DYM: variants seen among roughly 807,000 people sequenced by gnomAD.
DYM encodes dymeclin.
A neutral mutation model predicts 93.1 loss-of-function variants in DYM; 78 were observed. That is an observed-to-expected ratio of 0.84 (90% CI 0.70 to 1.01). DYM has a LOEUF of 1.01. Among genes scored for constraint, DYM ranks in the 50% least tolerant of loss-of-function variants. The probability of loss-of-function intolerance (pLI) is 0.00; values close to 1 mark genes in which losing one functional copy is unlikely to be tolerated. For synonymous variants in DYM, 321 were observed against 319.7 expected (o/e 1.00, Z -0.04); for missense variants, 789 against 845.0 (o/e 0.93, Z 0.82).
rs1440521087 is a variant in DYM, at chr18:49,286,428, A to G, written c.946+6T>C. 2.5e-5 allele frequency: 41 copies of G among 1,613,986 alleles called. No individual in the cohort carries two copies. The highest frequency in any genetic ancestry group is 3.3e-5 in the Non-Finnish European group (39 of 1,179,940). On this transcript the variant is annotated splice_donor_region_variant and intron_variant, in intron 9 of 17. Transcript: ENST00000675505. The stretch of plus-strand genomic sequence containing the variant: ...CAAAGAATATTAGAGAAAAAATACC[A>G]CAAACCTTGTGTGTTCTTGAAGGAC...
intron 5 of DYM, among the ~76,000 whole-genome samples, chr18:49,364,889 T>C (rs1282850348): frequency 6.6e-6 from 1 of 152,178 alleles, no homozygotes; most frequent in African/African-American, 2.4e-5. Context: ...ATATCCTCCA[T>C]GAAACCCACT....
intron 8 of DYM, among the ~76,000 whole-genome samples, chr18:49,311,252 G>A (rs1429882382): frequency 6.6e-6 from 1 of 152,162 alleles, no homozygotes; most frequent in East Asian, 1.9e-4. Flanking sequence ...TGCCAGTTAC[G>A]ATGGTCACTG....
rs2065453712 is a variant in DYM at position 49,355,307 on chromosome 18, TATC to T, written c.494+7851_494+7853del. ...GATATGCATTGATATCTATCATAGA[TATC>T]ATAGATAGACATCAATGTATAGACA... On this transcript the variant is annotated intron_variant, in intron 6 of 17. Coordinates refer to ENST00000675505, the MANE Select transcript of DYM (RefSeq NM_001353214.3). Among the ~76,000 whole-genome samples, 5 of 152,084 alleles carry T rather than the reference TATC, an allele frequency of 3.3e-5. No homozygotes were observed. In the South Asian group the frequency reaches 1.0e-3, roughly 32 times the overall value.
At chr18:49,385,664 C>T (rs2068537597) in intron 3 of DYM, among the ~76,000 whole-genome samples, 1 of 151,632 alleles carries the variant, frequency 6.6e-6, no homozygotes, top group Non-Finnish European at 1.5e-5. Flanking sequence ...CATTGCACTC[C>T]AGCCTGGGCA....
intron 1 of DYM, among the ~76,000 whole-genome samples, chr18:49,447,647 C>T (rs543484790): frequency 1.4e-4 from 22 of 152,296 alleles, no homozygotes; most frequent in Non-Finnish European, 2.8e-4. Flanking sequence ...TATCCAAAGG[C>T]TTCTGGACCC....
chr18:49,106,900 C>A (rs571651682), intron 16 of DYM, among the ~76,000 whole-genome samples: 15 of 152,232 alleles, frequency 9.9e-5, no homozygotes, highest in African/African-American at 3.6e-4. Flanking sequence ...TTGCTCTTCT[C>A]GAGGAGTATC....
rs190460656 is a variant in DYM at position 49,194,756 on chromosome 18, T to A, written c.1625+14795A>T. ...TCATAAGTAACACAAAAAAATATTT[T>A]AAAAATATTTCCAGTTATAGTACAA... On this transcript the variant is annotated intron_variant, in intron 14 of 17. Coordinates refer to ENST00000675505, the MANE Select transcript of DYM (RefSeq NM_001353214.3). Among the ~76,000 whole-genome samples the A allele has an allele frequency of 6.3e-3, 963 of 152,292 alleles. 3 individuals are homozygous for A. The highest frequency in any genetic ancestry group is 0.01 in the Middle Eastern group (3 of 294).
At chr18:49,193,658 G>A (rs2091186248) in intron 14 of DYM, among the ~76,000 whole-genome samples, 1 of 152,156 alleles carries the variant, frequency 6.6e-6, no homozygotes, top group Non-Finnish European at 1.5e-5. Context: ...CACATGTGTG[G>A]TGAGATACAT....
chr18:49,179,846 A>C lies in DYM; in HGVS notation c.1626-16059T>G, dbSNP rs1385513232. Among the ~76,000 whole-genome samples the C allele has an allele frequency of 2.0e-5, 3 of 152,102 alleles. No homozygotes were observed. In the East Asian group the frequency reaches 5.8e-4, roughly 29 times the overall value. On this transcript the variant is annotated intron_variant, in intron 14 of 17. Coordinates refer to ENST00000675505, the MANE Select transcript of DYM (RefSeq NM_001353214.3). The stretch of plus-strand genomic sequence containing the variant: ...AAAATAATCTCTTACTACCAGCACC[A>C]TCATTTCCACTTAAGGCAAAAAAAG...
Position 49,286,576 on chromosome 18 carries a change from G to A in DYM, c.804C>T (p.Ser268=), listed in dbSNP as rs61749950. The A allele has an allele frequency of 9.3e-6, 15 of 1,613,938 alleles. No individual in the cohort carries two copies. The highest frequency in any genetic ancestry group is 1.6e-4 in the Middle Eastern group (1 of 6,068). ...WTVFTLGGVG[S]KAAASPELSS... is the part of the protein sequence containing the mutation. ...AAAGCTCTGGAGAGGCAGCCGCTTT[G>A]CTGCCCACACCACCTAGTGTGAAGA... The change falls in exon 9 of 18, where the codon AGC becomes AGT. Residue 268 remains serine (S), a synonymous_variant. Coordinates refer to ENST00000675505, the MANE Select transcript of DYM (RefSeq NM_001353214.3).
chr18:49,266,425 G>A (rs1313840771), intron 11 of DYM, among the ~76,000 whole-genome samples: 3 of 152,140 alleles, frequency 2.0e-5, no homozygotes, highest in Non-Finnish European at 2.9e-5. Flanking sequence ...AGACCAGCCT[G>A]GGCAACATGG....
At chr18:49,083,205 G>A (rs1489966834) in intron 17 of DYM, among the ~76,000 whole-genome samples, 1 of 152,184 alleles carries the variant, frequency 6.6e-6, no homozygotes, top group Non-Finnish European at 1.5e-5. Context: ...ACAAACATAG[G>A]TGGCAGGCAG....
intron 13 of DYM, among the ~76,000 whole-genome samples, chr18:49,212,194 A>G (rs1433322336): frequency 6.6e-6 from 1 of 152,236 alleles, no homozygotes; most frequent in Non-Finnish European, 1.5e-5. Context: ...CAGATTAAAA[A>G]AGATGAAAGA....
chr18:49,260,813 T>C (rs1180330849), intron 11 of DYM, among the ~76,000 whole-genome samples: 1 of 151,054 alleles, frequency 6.6e-6, no homozygotes, highest in African/African-American at 2.4e-5. Context: ...ATAAGCATGA[T>C]GCAAAATAAA....
At chr18:49,332,095 AC>A in intron 7 of DYM, 89 bp from the exon 8 acceptor site, 9 of 1,328,156 alleles carry the variant, frequency 6.8e-6, no homozygotes, top group Non-Finnish European at 9.5e-6. Flanking sequence ...TGCCATTAAC[AC>A]TATCTGTTAA....
intron 13 of DYM, among the ~76,000 whole-genome samples, chr18:49,222,496 G>A (rs1391656961): frequency 6.6e-6 from 1 of 152,100 alleles, no homozygotes; most frequent in South Asian, 2.1e-4. Flanking sequence ...AAAGATAAAT[G>A]CAGTCCTGTC....
At chr18:49,081,681 G>T (rs2078053837) in intron 17 of DYM, among the ~76,000 whole-genome samples, 3 of 152,232 alleles carry the variant, frequency 2.0e-5, no homozygotes, top group Admixed American at 2.0e-4. Context: ...TCAAGGTTTA[G>T]TCAAAGATGT....
At chr18:49,438,719 A>C (rs2081069993) in intron 1 of DYM, among the ~76,000 whole-genome samples, 2 of 152,180 alleles carry the variant, frequency 1.3e-5, no homozygotes, top group South Asian at 4.1e-4. Context: ...GGGCACCTGG[A>C]GTATACAGGA....
intron 13 of DYM, among the ~76,000 whole-genome samples, chr18:49,219,556 C>T (rs1008765155): frequency 1.4e-4 from 21 of 152,108 alleles, no homozygotes; most frequent in African/African-American, 4.8e-4. Flanking sequence ...AGCTTATCCA[C>T]CATGATCAAG....
Sources: allele counts gnomAD v4.1 joint callset (sites outside exome capture counted in the v4.1 genomes callset), GRCh38; gene constraint gnomAD v4.1.1; transcripts MANE v1.5; gene names NCBI Gene and HGNC (gene_info 2026-07-23, HGNC 2026-07-21).